DNAH3: variants seen among roughly 807,000 people sequenced by gnomAD.
DNAH3 encodes the protein axonemal beta dynein heavy chain 3.
DNAH3 carries 332 observed loss-of-function variants against 432.5 expected under a neutral mutation model. The observed-to-expected ratio is 0.77, with a 90% CI of 0.70 to 0.84. The LOEUF (loss-of-function observed/expected upper bound fraction) is 0.84, where lower values mean the gene tolerates loss of function less well. DNAH3 is among the 40% of genes least tolerant of loss of function. The pLI, the probability that DNAH3 is intolerant of heterozygous loss-of-function variation, is 0.00. For synonymous variants in DNAH3, 1,956 were observed against 1,900.2 expected, an observed-to-expected ratio of 1.03 and a Z score of -0.76; for missense variants, 4,861 against 5,114.0, an observed-to-expected ratio of 0.95 and a Z score of 1.51.
In DNAH3 at chr16:20,963,835, A is replaced by G. The variant is rs2084929760; in HGVS notation, c.10049T>C (p.Ile3350Thr). ...GTAGATGCTCAGGGTGAAATGGTCA[A>G]TGATGTACTTGATGCGCAGATTCAG... is the stretch of plus-strand genomic sequence containing the variant. The change falls in exon 53 of 62, where the codon ATT (isoleucine) becomes ACT (threonine). Residue 3350 changes from isoleucine to threonine, a missense_variant. Physicochemically the swap from Ile to Thr is moderately conservative, Grantham distance 89. Coordinates refer to ENST00000261383, the Ensembl canonical transcript of DNAH3. The G allele has an allele frequency of 1.2e-6, 2 of 1,614,092 alleles. No individual in the cohort carries two copies. Among genetic ancestry groups the G allele is most frequent in the Non-Finnish European group, 1.7e-6 (2 of 1,180,008 alleles).
chr16:21,145,312 G>A lies in DNAH3; in HGVS notation c.317C>T (p.Pro106Leu), dbSNP rs1415191399. 3.1e-6 allele frequency: 5 copies of A among 1,614,132 alleles called. No homozygotes were observed. The African/African-American group carries it at 4.0e-5, about 13-fold the overall frequency. ...GTAGTTGTTGGCGATGGAATCACTGGGTCCACGGTGGTGATGCTGTTCTTT... is the reference window on the plus strand; with the variant it reads ...GTAGTTGTTGGCGATGGAATCACTGAGTCCACGGTGGTGATGCTGTTCTTT... Residue 106 changes from proline to leucine, a missense_variant, in exon 3 of 62, where the codon CCC (proline) becomes CTC (leucine). Coordinates refer to ENST00000261383, the Ensembl canonical transcript of DNAH3.
At chr16:21,063,688 G>C (rs531152900) in intron 24 of DNAH3, among the ~76,000 whole-genome samples, 2 of 151,866 alleles carry the variant, frequency 1.3e-5, no homozygotes, top group East Asian at 3.9e-4. Context: ...GACTACAGGC[G>C]CATGCCACCA....
At chr16:21,068,203 A>ACTTAC (rs950131213) in intron 23 of DNAH3, among the ~76,000 whole-genome samples, 7 of 152,142 alleles carry the variant, frequency 4.6e-5, no homozygotes, top group Admixed American at 6.5e-5. Context: ...CGCCCAGTGA[A>ACTTAC]CTTACCATCC....
chr16:21,129,720 G>C (rs1167183635), intron 7 of DNAH3, among the ~76,000 whole-genome samples: 2 of 151,958 alleles, frequency 1.3e-5, no homozygotes, highest in Non-Finnish European at 2.9e-5. Flanking sequence ...CTGGGCAACA[G>C]AGCAAGGCTC....
intron 21 of DNAH3, 114 bp downstream of exon 21, chr16:21,075,333 G>A: frequency 2.6e-6 from 2 of 777,770 alleles, no homozygotes; most frequent in East Asian, 5.1e-5. Flanking sequence ...ATCAAGACAT[G>A]AGCGATTATT....
At chr16:21,132,070 G>C (rs2092572680) in intron 7 of DNAH3, among the ~76,000 whole-genome samples, 1 of 152,022 alleles carries the variant, frequency 6.6e-6, no homozygotes, top group South Asian at 2.1e-4. Context: ...ACTGCTGACT[G>C]GTACTTCCAA....
chr16:20,966,014 A>ATTTTTTTTTTTTTTTTTTTTT (rs555983378), intron 52 of DNAH3, among the ~76,000 whole-genome samples: 1 of 48,362 alleles, frequency 2.1e-5, no homozygotes, highest in African/African-American at 8.2e-5. Flanking sequence ...TGCCCAGCCA[A>ATTTTTTTTTTTTTTTTTTTTT]TTTTTTTTTT....
intron 27 of DNAH3, among the ~76,000 whole-genome samples, chr16:21,055,693 CA>C (rs2090107616): frequency 6.6e-6 from 1 of 150,940 alleles, no homozygotes; most frequent in Non-Finnish European, 1.5e-5. Flanking sequence ...TGGCTCTTGG[CA>C]AATGATTTTA....
chr16:20,935,511 C>A, intron 60 of DNAH3, 26 bp from the exon 61 acceptor site: 1 of 1,606,102 alleles, frequency 6.2e-7, no homozygotes, highest in Non-Finnish European at 8.5e-7. Context: ...AATCAAGATT[C>A]AAAATCAACA....
At chr16:21,117,730 A>T (rs56409809) in intron 11 of DNAH3, among the ~76,000 whole-genome samples, 27,554 of 152,104 alleles carry the variant, frequency 0.18, 2,712 homozygotes, top group South Asian at 0.24. Flanking sequence ...TGTGTCATAG[A>T]ATACAAATTC....
At chr16:21,039,214 C>CTTTTTTTTT (rs200708542) in intron 33 of DNAH3, among the ~76,000 whole-genome samples, 10 of 126,018 alleles carry the variant, frequency 7.9e-5, no homozygotes, top group African/African-American at 1.6e-4. Context: ...TATAGTGTTG[C>CTTTTTTTTT]TTTTTTTTTT....
At chr16:20,964,703 C>A in exon 53 of DNAH3, 1 of 1,614,130 alleles carries the variant, frequency 6.2e-7, no homozygotes, top group Non-Finnish European at 8.5e-7. Flanking sequence ...AAGGAGTCAA[C>A]GGGAAGCCCA....
chr16:21,005,682 T>A (rs77413997), intron 41 of DNAH3, among the ~76,000 whole-genome samples: 2 of 68,978 alleles, frequency 2.9e-5, no homozygotes, highest in Non-Finnish European at 6.1e-5. Flanking sequence ...CCCAGCCTCA[T>A]TTTTTTTTTT....
intron 8 of DNAH3, among the ~76,000 whole-genome samples, chr16:21,126,287 C>A (rs994139515): frequency 6.6e-6 from 1 of 152,190 alleles, no homozygotes; most frequent in Non-Finnish European, 1.5e-5. Flanking sequence ...CCTATTGCAT[C>A]TTTTCTCTGA....
intron 24 of DNAH3, among the ~76,000 whole-genome samples, chr16:21,066,003 T>C (rs2090531960): frequency 6.6e-6 from 1 of 152,080 alleles, no homozygotes; most frequent in African/African-American, 2.4e-5. Context: ...ATTTTTGTAT[T>C]TTTAGTAGAG....
chr16:21,148,266 T>C (rs932000801), intron 1 of DNAH3, among the ~76,000 whole-genome samples: 5 of 152,086 alleles, frequency 3.3e-5, no homozygotes, highest in African/African-American at 1.2e-4. Context: ...CAATACTATC[T>C]ACCATTATTC....
intron 50 of DNAH3, among the ~76,000 whole-genome samples, chr16:20,977,554 G>A (rs2085652792): frequency 6.6e-6 from 1 of 152,140 alleles, no homozygotes; most frequent in African/African-American, 2.4e-5. Context: ...TGCACCCAAT[G>A]CCCCCAGTGA....
At position 21,130,167 on chromosome 16, in the gene DNAH3, A is replaced by ATC. The variant is rs373132199; in HGVS notation, c.1083-2356_1083-2355insGA. 2.0e-3 allele frequency: 296 copies of ATC among 151,338 alleles called. 1 individual carries two copies. Among genetic ancestry groups the ATC allele is most frequent in the African/African-American group, 6.3e-3 (262 of 41,300 alleles). 9.4% of individuals were successfully genotyped at this position (151,338 alleles called of 1,614,324 possible). A position where few individuals can be genotyped will look rare whatever the true frequency, so the allele number is the denominator to read the frequency against. ...AGAAGAGCCTTTGGACCTAATATAT[A>ATC]TTTATTTTCTATCTTATGCTTGAGT... On this transcript the variant is annotated intron_variant, in intron 7 of 61. Coordinates refer to ENST00000261383, the Ensembl canonical transcript of DNAH3.
chr16:20,992,742 G>C (rs150343746), intron 44 of DNAH3, among the ~76,000 whole-genome samples: 16 of 152,342 alleles, frequency 1.1e-4, no homozygotes, highest in African/African-American at 3.8e-4. Flanking sequence ...TACAATCTGA[G>C]TAGTAGACAT....
Sources: allele counts gnomAD v4.1 joint callset (sites outside exome capture counted in the v4.1 genomes callset), GRCh38; gene constraint gnomAD v4.1.1; transcripts MANE v1.5; gene names NCBI Gene and HGNC (gene_info 2026-07-23, HGNC 2026-07-21).